CTNNA2: variants seen among roughly 807,000 people sequenced by gnomAD.
CTNNA2 encodes the protein catenin alpha-2.
In CTNNA2, 42 loss-of-function variants were observed where a neutral mutation model predicts 101.0. That is an observed-to-expected ratio of 0.42 (90% CI 0.32 to 0.54). The LOEUF (loss-of-function observed/expected upper bound fraction) is 0.54, where lower values mean the gene tolerates loss of function less well. Among genes scored for constraint, CTNNA2 ranks in the 20% least tolerant of loss-of-function variants. The pLI, the probability that CTNNA2 is intolerant of heterozygous loss-of-function variation, is 0.14. For synonymous variants in CTNNA2, 450 were observed against 456.4 expected (o/e 0.99, Z 0.18); for missense variants, 871 against 1,223.1 (o/e 0.71, Z 4.29).
At position 80,243,127 on chromosome 2, in the gene CTNNA2, A is replaced by T. The variant is rs973191; in HGVS notation, c.1057-150084A>T. On this transcript the variant is annotated intron_variant, in intron 7 of 18. Coordinates refer to ENST00000402739, the MANE Select transcript of CTNNA2 (RefSeq NM_001282597.3). Reference sequence around the variant, plus strand: ...TGAATTTCCTTCTTCAGACATGAGCATGTTATTTGGTTTAAATTTTTATTT... The same window carrying T: ...TGAATTTCCTTCTTCAGACATGAGCTTGTTATTTGGTTTAAATTTTTATTT... Among the ~76,000 whole-genome samples, 6 of 152,048 alleles carry T rather than the reference A, an allele frequency of 3.9e-5. No homozygotes were observed. The East Asian group carries it at 1.2e-3, about 29-fold the overall frequency.
At chr2:79,295,013 GTATT>G (rs749770111) in intron 2 of CTNNA2, among the ~76,000 whole-genome samples, 2 of 144,424 alleles carry the variant, frequency 1.4e-5, no homozygotes, top group Non-Finnish European at 3.1e-5. Context: ...GTGTGTGTGT[GTATT>G]TGTGTATGCG....
chr2:80,556,398 G>A (rs1191140491), intron 12 of CTNNA2, among the ~76,000 whole-genome samples: 1 of 152,168 alleles, frequency 6.6e-6, no homozygotes, highest in Non-Finnish European at 1.5e-5. Context: ...GATAGTGAGT[G>A]GATATGACGT....
chr2:79,231,058 T>C (rs569346131), intron 2 of CTNNA2, among the ~76,000 whole-genome samples: 2 of 152,088 alleles, frequency 1.3e-5, no homozygotes, highest in African/African-American at 2.4e-5. Context: ...AGGTGAGACA[T>C]TGGGCTGTGG....
chr2:80,469,991 T>G lies in CTNNA2; in HGVS notation c.1290+50390T>G, dbSNP rs757767432. ...TATAACCCTAAGACATGGGCAAGGGTGGCTCCTCTACTGAGCCTCTCTCAT... is the reference window on the plus strand; with the variant it reads ...TATAACCCTAAGACATGGGCAAGGGGGGCTCCTCTACTGAGCCTCTCTCAT... On this transcript the variant is annotated intron_variant, in intron 9 of 18. Coordinates refer to ENST00000402739, the MANE Select transcript of CTNNA2 (RefSeq NM_001282597.3). 7.5e-4 allele frequency among the ~76,000 whole-genome samples: 114 copies of G among 152,084 alleles called. 1 individual carries two copies. The highest frequency in any genetic ancestry group is 1.2e-3 in the Non-Finnish European group (80 of 68,010).
At chr2:79,570,426 A>G (rs778797631) in intron 1 of CTNNA2, among the ~76,000 whole-genome samples, 10 of 152,174 alleles carry the variant, frequency 6.6e-5, no homozygotes, top group Non-Finnish European at 1.3e-4. Flanking sequence ...TAAATGTGGA[A>G]AAGAATTTCT....
chr2:79,652,428 C>T (rs564584999), intron 2 of CTNNA2, among the ~76,000 whole-genome samples: 25 of 152,184 alleles, frequency 1.6e-4, no homozygotes, highest in Admixed American at 6.5e-5. Context: ...CATTTTCTTG[C>T]TTTTCCCATC....
At chr2:80,224,085 C>T (rs74839912) in intron 7 of CTNNA2, among the ~76,000 whole-genome samples, 2,142 of 152,250 alleles carry the variant, frequency 0.014, 54 homozygotes, top group African/African-American at 0.048. Context: ...CTTGTTCTAG[C>T]CCTCTTGACA....
At chr2:80,075,565 AT>A (rs1698628824) in intron 7 of CTNNA2, among the ~76,000 whole-genome samples, 6 of 142,460 alleles carry the variant, frequency 4.2e-5, no homozygotes, top group African/African-American at 1.3e-4. Context: ...ATGTATAAAT[AT>A]TATAAAATAA....
At chr2:79,806,089 C>T (rs894711170) in intron 3 of CTNNA2, among the ~76,000 whole-genome samples, 7 of 152,072 alleles carry the variant, frequency 4.6e-5, no homozygotes, top group African/African-American at 1.7e-4. Flanking sequence ...TTCTCTCAAA[C>T]TCTTTAGTTA....
At chr2:80,282,335 G>A (rs1674446159) in intron 7 of CTNNA2, among the ~76,000 whole-genome samples, 1 of 152,080 alleles carries the variant, frequency 6.6e-6, no homozygotes, top group African/African-American at 2.4e-5. Flanking sequence ...AATGAGAAAA[G>A]CGAGTACATT....
intron 16 of CTNNA2, among the ~76,000 whole-genome samples, chr2:80,606,367 A>C (rs915543070): frequency 3.6e-5 from 5 of 137,424 alleles, no homozygotes; most frequent in Non-Finnish European, 7.8e-5. Context: ...AAACACATCA[A>C]ACACACACAC....
intron 4 of CTNNA2, among the ~76,000 whole-genome samples, chr2:79,491,576 G>A (rs781098870): frequency 1.3e-5 from 2 of 152,162 alleles, no homozygotes; most frequent in African/African-American, 4.8e-5. Context: ...ACAGGGTCCA[G>A]AGGAAAGCTT....
intron 7 of CTNNA2, among the ~76,000 whole-genome samples, chr2:80,307,641 G>T (rs1446045033): frequency 1.3e-5 from 2 of 152,108 alleles, no homozygotes; most frequent in African/African-American, 4.8e-5. Context: ...ATTTCTGTTG[G>T]CAAACTTCTT....
At chr2:80,333,102 A>G (rs1228877618) in intron 7 of CTNNA2, among the ~76,000 whole-genome samples, 1 of 152,214 alleles carries the variant, frequency 6.6e-6, no homozygotes, top group Non-Finnish European at 1.5e-5. Context: ...CAGAGACTGC[A>G]GAGCCTAAAA....
chr2:80,240,352 T>A (rs998476349), intron 7 of CTNNA2, among the ~76,000 whole-genome samples: 6 of 152,214 alleles, frequency 3.9e-5, no homozygotes, highest in Admixed American at 1.3e-4. Flanking sequence ...ACTTCTATGG[T>A]GTTAATGCTA....
Position 80,495,749 on chromosome 2 carries a change from G to A in CTNNA2, c.1291-49233G>A, listed in dbSNP as rs562428640. On this transcript the variant is annotated intron_variant, in intron 9 of 18. Transcript: ENST00000402739. ...AGGTCAGGAGTTCGAGACCAGCCTG[G>A]CCAACATGCTGAAACCCCATCTCTA... Among the ~76,000 whole-genome samples the A allele has an allele frequency of 3.9e-5, 6 of 152,080 alleles. No individual in the cohort carries two copies. The South Asian group carries it at 1.2e-3, about 32-fold the overall frequency.
At chr2:79,669,753 G>T (rs1682696269) in intron 2 of CTNNA2, among the ~76,000 whole-genome samples, 1 of 152,162 alleles carries the variant, frequency 6.6e-6, no homozygotes, top group South Asian at 2.1e-4. Flanking sequence ...GGTCAAGGAT[G>T]GTCCTGTCAT....
chr2:80,619,017 G>T, intron 17 of CTNNA2, 68 bp from the exon 18 acceptor site: 2 of 1,056,766 alleles, frequency 1.9e-6, no homozygotes, highest in Non-Finnish European at 2.6e-6. Flanking sequence ...TTCCCAAGTA[G>T]GGTACTTTTT....
At chr2:79,314,393 A>G (rs1421301693) in intron 3 of CTNNA2, among the ~76,000 whole-genome samples, 1 of 152,224 alleles carries the variant, frequency 6.6e-6, no homozygotes, top group African/African-American at 2.4e-5. Flanking sequence ...GGTCCATGGT[A>G]TCTGGAGGCT....
Sources: allele counts gnomAD v4.1 joint callset (sites outside exome capture counted in the v4.1 genomes callset), GRCh38; gene constraint gnomAD v4.1.1; transcripts MANE v1.5; gene names NCBI Gene and HGNC (gene_info 2026-07-23, HGNC 2026-07-21).